The following LRMDA variants were observed in gnomAD, a reference collection of about 807,000 sequenced individuals.
LRMDA encodes leucine-rich melanocyte differentiation-associated protein.
In LRMDA, 18 loss-of-function variants were observed where a neutral mutation model predicts 29.8. That is an observed-to-expected ratio of 0.60 (90% CI 0.42 to 0.90). The LOEUF is 0.90. Ranked by LOEUF, LRMDA falls within the 40% of genes least tolerant of loss-of-function variation. The pLI is 0.00. For synonymous variants in LRMDA, 125 were observed against 109.4 expected (o/e 1.14, Z -0.89); for missense variants, 273 against 273.9 (o/e 1.00, Z 0.02).
intron 2 of LRMDA, among the ~76,000 whole-genome samples, chr10:75,769,175 A>G (rs190375240): frequency 2.0e-4 from 30 of 152,388 alleles, no homozygotes; most frequent in Non-Finnish European, 2.6e-4. Flanking sequence ...TACCGGAGAC[A>G]CACAAAATCA....
intron 2 of LRMDA, among the ~76,000 whole-genome samples, chr10:75,901,574 A>T (rs1845673280): frequency 6.6e-6 from 1 of 152,212 alleles, no homozygotes; most frequent in African/African-American, 2.4e-5. Flanking sequence ...ATGTCATGTG[A>T]AGTATTCATG....
At chr10:75,830,075 G>A (rs1844313734) in intron 2 of LRMDA, among the ~76,000 whole-genome samples, 1 of 151,978 alleles carries the variant, frequency 6.6e-6, no homozygotes, top group Admixed American at 6.6e-5. Flanking sequence ...GCATTTTTGA[G>A]ACCTAGGTCA....
At chr10:75,534,835 C>G (rs1316385253) in intron 2 of LRMDA, among the ~76,000 whole-genome samples, 2 of 152,240 alleles carry the variant, frequency 1.3e-5, no homozygotes, top group Admixed American at 1.3e-4. Context: ...TCTTCCTCCC[C>G]TTTTAAGCCT....
intron 5 of LRMDA, among the ~76,000 whole-genome samples, chr10:76,280,754 G>A (rs1008353793): frequency 2.0e-5 from 3 of 151,992 alleles, no homozygotes; most frequent in Non-Finnish European, 2.9e-5. Context: ...GTTGAGTGCT[G>A]CAAATATGAG....
At chr10:76,141,749 C>T (rs1043539130) in intron 5 of LRMDA, among the ~76,000 whole-genome samples, 5 of 152,100 alleles carry the variant, frequency 3.3e-5, no homozygotes. Flanking sequence ...GCCCCTTGGT[C>T]CATCAGCCCC....
intron 2 of LRMDA, among the ~76,000 whole-genome samples, chr10:75,911,238 G>C: frequency 6.6e-6 from 1 of 151,972 alleles, no homozygotes; most frequent in East Asian, 1.9e-4. Flanking sequence ...ATTATTATTT[G>C]AGTCTTTGGC....
At chr10:75,719,024 A>G (rs2132185381) in intron 2 of LRMDA, among the ~76,000 whole-genome samples, 1 of 152,376 alleles carries the variant, frequency 6.6e-6, no homozygotes, top group South Asian at 2.1e-4. Context: ...AAGATCCCTA[A>G]GAGAGTTAAA....
intron 5 of LRMDA, among the ~76,000 whole-genome samples, chr10:76,302,888 AAC>A (rs1840499296): frequency 6.6e-6 from 1 of 152,228 alleles, no homozygotes; most frequent in South Asian, 2.1e-4. Context: ...TTAAAAGGAA[AAC>A]ACAACGCAAC....
intron 1 of LRMDA, among the ~76,000 whole-genome samples, chr10:75,437,958 A>G (rs183517203): frequency 6.6e-6 from 1 of 152,264 alleles, no homozygotes; most frequent in African/African-American, 2.4e-5. Context: ...TGGTAAGTGC[A>G]TCTGCTGTGT....
intron 5 of LRMDA, among the ~76,000 whole-genome samples, chr10:76,131,865 C>G (rs192405905): frequency 6.6e-6 from 1 of 152,186 alleles, no homozygotes; most frequent in Non-Finnish European, 1.5e-5. Flanking sequence ...AACAGCTATA[C>G]TGTCAGCCCA....
At chr10:76,293,739 C>G (rs1208302589) in intron 5 of LRMDA, among the ~76,000 whole-genome samples, 1 of 152,124 alleles carries the variant, frequency 6.6e-6, no homozygotes, top group African/African-American at 2.4e-5. Flanking sequence ...CTCATGTTAC[C>G]TTATCTCTTA....
chr10:75,885,210 C>T (rs115765312), intron 2 of LRMDA, among the ~76,000 whole-genome samples: 2,465 of 152,246 alleles, frequency 0.016, 65 homozygotes, highest in African/African-American at 0.056. Context: ...GCAATGCTGC[C>T]GCCACATCCT....
At position 75,788,368 on chromosome 10, in the gene LRMDA, A is replaced by T. The variant is rs1398029461; in HGVS notation, c.132-247640A>T. ...AGCTGTGGCTTTCATTTTCTAAGAC[A>T]CTTCATGATATAAGGCTGGAGTTCC... On this transcript the variant is annotated intron_variant, in intron 2 of 6. Coordinates refer to ENST00000611255, the MANE Select transcript of LRMDA (RefSeq NM_001305581.2). Among the ~76,000 whole-genome samples the T allele has an allele frequency of 3.3e-5, 5 of 152,238 alleles. No individual in the cohort carries two copies. In the East Asian group the frequency reaches 9.6e-4, roughly 29 times the overall value.
At chr10:76,067,027 A>G (rs976577246) in intron 5 of LRMDA, among the ~76,000 whole-genome samples, 11 of 152,192 alleles carry the variant, frequency 7.2e-5, no homozygotes, top group Admixed American at 7.2e-4. Context: ...CAGGGGTTAG[A>G]GAGCTGTGTC....
rs533328566 is a variant in LRMDA at position 76,243,631 on chromosome 10, G to T, written c.517-80770G>T. On this transcript the variant is annotated intron_variant, in intron 5 of 6. Coordinates refer to ENST00000611255, the MANE Select transcript of LRMDA (RefSeq NM_001305581.2). ...AAACTTTCTGGATAACAAATTCAGG[G>T]GCTGTGTTTCTCTGTACTGTGGCTG... 3.3e-5 allele frequency among the ~76,000 whole-genome samples: 5 copies of T among 152,262 alleles called. No homozygotes were observed. The Middle Eastern group carries it at 0.014, about 414-fold the overall frequency.
chr10:76,385,055 T>C (rs1399772839), intron 6 of LRMDA, among the ~76,000 whole-genome samples: 1 of 152,146 alleles, frequency 6.6e-6, no homozygotes. Flanking sequence ...AAAATTCCAA[T>C]AGCAAGAGTA....
intron 6 of LRMDA, among the ~76,000 whole-genome samples, chr10:76,428,878 GA>G (rs1167311154): frequency 6.6e-6 from 1 of 152,174 alleles, no homozygotes; most frequent in Non-Finnish European, 1.5e-5. Context: ...GGGGTTAATT[GA>G]GGGTGAGGTA....
At chr10:76,281,721 C>A (rs1191158135) in intron 5 of LRMDA, among the ~76,000 whole-genome samples, 1 of 152,188 alleles carries the variant, frequency 6.6e-6, no homozygotes. Context: ...ATCTGCCTTA[C>A]CTGACAGACC....
At chr10:76,034,265 C>G (rs1156854332) in intron 2 of LRMDA, among the ~76,000 whole-genome samples, 1 of 152,092 alleles carries the variant, frequency 6.6e-6, no homozygotes, top group African/African-American at 2.4e-5. Flanking sequence ...TTGATACAGG[C>G]AGGCAATGTG....
Sources: allele counts gnomAD v4.1 joint callset (sites outside exome capture counted in the v4.1 genomes callset), GRCh38; gene constraint gnomAD v4.1.1; transcripts MANE v1.5; gene names NCBI Gene and HGNC (gene_info 2026-07-23, HGNC 2026-07-21).